The following DAGLB variants were observed in gnomAD, a reference collection of about 807,000 sequenced individuals.
The protein encoded by DAGLB is diacylglycerol lipase-beta.
Under a neutral mutation model 72.1 loss-of-function variants are expected in DAGLB, and 66 were observed. The ratio of observed to expected loss-of-function variants is 0.92; its 90% CI spans 0.75 to 1.12. DAGLB has a LOEUF of 1.12. Ranked by LOEUF, DAGLB falls within the 50% of genes most tolerant of loss-of-function variation. DAGLB has a pLI of 0.00. For missense variants in DAGLB, 1,065 were observed against 884.9 expected, an observed-to-expected ratio of 1.20 and a Z score of -2.58; for synonymous variants, 414 against 359.5, an observed-to-expected ratio of 1.15 and a Z score of -1.71.
intron 9 of DAGLB, among the ~76,000 whole-genome samples, chr7:6,418,167 C>A (rs1783980120): frequency 6.6e-6 from 1 of 151,742 alleles, no homozygotes; most frequent in Non-Finnish European, 1.5e-5. Context: ...CTGTGCCCAG[C>A]AAAAATTTAA....
chr7:6,435,068 C>A (rs1784611827), intron 3 of DAGLB, 48 bp from the exon 4 acceptor site: 1 of 1,596,596 alleles, frequency 6.3e-7, no homozygotes, highest in Non-Finnish European at 8.5e-7. Flanking sequence ...GGCCCCAGCC[C>A]AGACGCAGAT....
chr7:6,410,125 C>G lies in DAGLB; in HGVS notation c.1820+5G>C, dbSNP rs777360450. ...TGCCCACCACACCCACCACGCCGCA[C>G]TCACCGCCCCGAGGCGCCCTCCTCC... is the stretch of plus-strand genomic sequence containing the variant. On this transcript the variant is annotated splice_donor_5th_base_variant and intron_variant, in intron 14 of 14. Coordinates refer to ENST00000297056, the MANE Select transcript of DAGLB (RefSeq NM_139179.4). The G allele has an allele frequency of 6.4e-7, 1 of 1,574,078 alleles. No individual in the cohort carries two copies. Among genetic ancestry groups the G allele is most frequent in the Non-Finnish European group, 8.6e-7 (1 of 1,157,318 alleles).
chr7:6,437,190 A>ATAATAG (rs1411025420), intron 2 of DAGLB, among the ~76,000 whole-genome samples: 1 of 147,112 alleles, frequency 6.8e-6, no homozygotes, highest in Non-Finnish European at 1.5e-5. Context: ...AATAATAATA[A>ATAATAG]TAGTAATAAT....
At chr7:6,437,432 T>A (rs765152002) in intron 2 of DAGLB, among the ~76,000 whole-genome samples, 2 of 152,052 alleles carry the variant, frequency 1.3e-5, no homozygotes, top group African/African-American at 2.4e-5. Flanking sequence ...GAGAGCGTAA[T>A]AGCTACCATT....
At chr7:6,437,575 G>A (rs940133795) in intron 2 of DAGLB, among the ~76,000 whole-genome samples, 3 of 152,100 alleles carry the variant, frequency 2.0e-5, no homozygotes, top group African/African-American at 7.2e-5. Context: ...AGGACTACAG[G>A]TGCACACCAC....
At chr7:6,419,275 T>C (rs1227011828) in intron 9 of DAGLB, among the ~76,000 whole-genome samples, 3 of 151,954 alleles carry the variant, frequency 2.0e-5, no homozygotes, top group Non-Finnish European at 4.4e-5. Flanking sequence ...GGATTACAGG[T>C]GTGAGCCACT....
chr7:6,436,257 A>AT (rs1162539462), intron 3 of DAGLB, 105 bp downstream of exon 3: 1 of 1,401,924 alleles, frequency 7.1e-7, no homozygotes, highest in African/African-American at 1.4e-5. Context: ...ATTTCTAACT[A>AT]TTTGAGGAAG....
At chr7:6,441,565 C>G (rs1225354111) in intron 2 of DAGLB, among the ~76,000 whole-genome samples, 1 of 150,706 alleles carries the variant, frequency 6.6e-6, no homozygotes, top group Non-Finnish European at 1.5e-5. Context: ...CTACAGGGGC[C>G]CGCCACCACG....
rs758121991 is a variant in DAGLB, at chr7:6,410,117, ACGCCG to A, written c.1820+8_1820+12del. On this transcript the variant is annotated splice_region_variant and intron_variant, in intron 14 of 14. Coordinates refer to ENST00000297056, the MANE Select transcript of DAGLB (RefSeq NM_139179.4). ...CTCCTGCCTGCCCACCACACCCACC[ACGCCG>A]CACTCACCGCCCCGAGGCGCCCTCC... 1.3e-6 allele frequency: 2 copies of A among 1,575,812 alleles called. No homozygotes were observed. The highest frequency in any genetic ancestry group is 1.7e-6 in the Non-Finnish European group (2 of 1,158,486).
chr7:6,421,979 G>T (rs944411992), intron 8 of DAGLB, 175 bp from the exon 9 acceptor site: 4 of 742,562 alleles, frequency 5.4e-6, no homozygotes, highest in Admixed American at 4.1e-5. Context: ...GGTGGCTCCT[G>T]AGGGCCCTGA....
At chr7:6,435,122 C>T (rs1460197016) in intron 3 of DAGLB, 102 bp from the exon 4 acceptor site, 14 of 1,510,164 alleles carry the variant, frequency 9.3e-6, no homozygotes, top group African/African-American at 5.6e-5. Context: ...GTCTCTACCA[C>T]GGAGGGTTCT....
intron 2 of DAGLB, 119 bp from the exon 3 acceptor site, chr7:6,436,652 ACT>A: frequency 8.2e-7 from 1 of 1,216,786 alleles, no homozygotes; most frequent in Non-Finnish European, 1.2e-6. Flanking sequence ...CCGCCTCCTG[ACT>A]TTTTCTACTT....
intron 5 of DAGLB, among the ~76,000 whole-genome samples, chr7:6,432,422 C>G (rs890390637): frequency 2.0e-5 from 3 of 150,194 alleles, no homozygotes; most frequent in Non-Finnish European, 4.4e-5. Flanking sequence ...CTTTGGGAGG[C>G]TGAGGTGGGC....
At chr7:6,410,914 T>C (rs1333814740) in intron 13 of DAGLB, among the ~76,000 whole-genome samples, 2 of 135,836 alleles carry the variant, frequency 1.5e-5, no homozygotes, top group Non-Finnish European at 3.1e-5. Context: ...AGACGGAGTC[T>C]CACTCTGTTG....
intron 2 of DAGLB, among the ~76,000 whole-genome samples, chr7:6,440,986 G>A (rs907900122): frequency 2.0e-5 from 3 of 151,598 alleles, no homozygotes; most frequent in African/African-American, 7.3e-5. Context: ...GGGGGACGGA[G>A]TTTCCCTCTT....
rs184776111 is a variant in DAGLB, at chr7:6,416,519, G to A, written c.1427+108C>T. 5 of 1,484,434 alleles carry A rather than the reference G, an allele frequency of 3.4e-6. No individual in the cohort carries two copies. The Admixed American group carries it at 7.0e-5, about 21-fold the overall frequency. The allele number at this position is 1,484,434 out of a possible 1,614,324, so 92.0% of individuals were successfully genotyped here. ...GATCACGCCACTGCACTCCAGCCTG[G>A]GCGACAGAGCAAGACTTCATCTCAG... On this transcript the variant is annotated intron_variant, in intron 11 of 14. Coordinates refer to ENST00000297056, the MANE Select transcript of DAGLB (RefSeq NM_139179.4).
chr7:6,413,487 A>G (rs887094211), intron 11 of DAGLB, among the ~76,000 whole-genome samples: 9 of 152,042 alleles, frequency 5.9e-5, no homozygotes, highest in African/African-American at 1.9e-4. Flanking sequence ...AAAATTAGCC[A>G]GGCGTGGTGG....
chr7:6,438,397 C>T (rs1254567756), intron 2 of DAGLB, among the ~76,000 whole-genome samples: 2 of 151,654 alleles, frequency 1.3e-5, no homozygotes, highest in Non-Finnish European at 2.9e-5. Context: ...AAATATTAGG[C>T]ACTAACAGCC....
intron 9 of DAGLB, among the ~76,000 whole-genome samples, chr7:6,419,804 C>G (rs555281646): frequency 6.6e-6 from 1 of 152,302 alleles, no homozygotes; most frequent in East Asian, 1.9e-4. Context: ...TTTCCTCACA[C>G]AGTAATGGGC....
Sources: allele counts gnomAD v4.1 joint callset (sites outside exome capture counted in the v4.1 genomes callset), GRCh38; gene constraint gnomAD v4.1.1; transcripts MANE v1.5; gene names NCBI Gene and HGNC (gene_info 2026-07-23, HGNC 2026-07-21).